The following FRMD3 variants were observed in gnomAD, a reference collection of about 807,000 sequenced individuals.
FRMD3 encodes the protein FERM domain-containing protein 3.
Under a neutral mutation model 70.2 loss-of-function variants are expected in FRMD3, and 33 were observed. The ratio of observed to expected loss-of-function variants is 0.47; its 90% confidence interval spans 0.36 to 0.63. FRMD3 has a LOEUF of 0.63. Ranked by LOEUF, FRMD3 falls within the 20% of genes least tolerant of loss-of-function variation. The probability of loss-of-function intolerance (pLI) is 0.00; values close to 1 mark genes in which losing one functional copy is unlikely to be tolerated. For missense variants in FRMD3, 632 were observed against 711.4 expected (o/e 0.89, Z 1.27); for synonymous variants, 279 against 255.9 (o/e 1.09, Z -0.86).
intron 1 of FRMD3, among the ~76,000 whole-genome samples, chr9:83,536,041 C>T (rs978781022): frequency 1.3e-5 from 2 of 152,092 alleles, no homozygotes; most frequent in Non-Finnish European, 2.9e-5. Context: ...AGTGTGAGGT[C>T]TAAAGTTATC....
intron 3 of FRMD3, among the ~76,000 whole-genome samples, chr9:83,366,167 A>C (rs563301721): frequency 1.3e-5 from 2 of 152,206 alleles, no homozygotes; most frequent in South Asian, 4.2e-4. Flanking sequence ...GAAAGGGAAA[A>C]GCTCTTCATA....
Position 83,446,780 on chromosome 9 carries a change from G to A in FRMD3, c.148-57072C>T, listed in dbSNP as rs550342289. On this transcript the variant is annotated intron_variant, in intron 1 of 13. Coordinates refer to ENST00000304195, the MANE Select transcript of FRMD3 (RefSeq NM_174938.6). Reference sequence around the variant, plus strand: ...CTTTTTCTTGTACTTTACACCAATTGTTCTTCCTTTACTCTGCATATATGA... The same window carrying A: ...CTTTTTCTTGTACTTTACACCAATTATTCTTCCTTTACTCTGCATATATGA... 9.8e-4 allele frequency among the ~76,000 whole-genome samples: 149 copies of A among 152,048 alleles called. 2 individuals are homozygous for A. Among genetic ancestry groups the A allele is most frequent in the African/African-American group, 3.4e-3 (142 of 41,466 alleles).
chr9:83,372,788 A>C (rs1825017926), intron 3 of FRMD3, 125 bp downstream of exon 3: 3 of 825,444 alleles, frequency 3.6e-6, no homozygotes, highest in Non-Finnish European at 6.2e-6. Context: ...GGGGAGAGAG[A>C]AGCCCCCACA....
rs1347109660 is a variant in FRMD3 at position 83,389,694 on chromosome 9, C to T, written c.162G>A (p.Gly54=). The part of the protein sequence containing the change: ...ISCHIQRETK[G]QFLIDHICNY... The stretch of plus-strand genomic sequence containing the variant: ...TGCAGATGTGGTCAATGAGAAACTG[C>T]CCTTTGGTTTCCCTCTGCAAAGGAA... The change falls in exon 2 of 14, where the codon GGG becomes GGA. Residue 54 remains glycine (G), a synonymous_variant. Transcript: ENST00000304195. 1.9e-6 allele frequency: 3 copies of T among 1,613,394 alleles called. No individual in the cohort carries two copies. The highest frequency in any genetic ancestry group is 2.2e-5 in the South Asian group (2 of 91,076).
chr9:83,267,325 G>A (rs1833315820), intron 13 of FRMD3: 3 of 1,417,998 alleles, frequency 2.1e-6, no homozygotes, highest in Non-Finnish European at 2.8e-6. Flanking sequence ...GGGAGGGGAC[G>A]CTATTTTTAA....
At chr9:83,370,070 G>C (rs1021231467) in intron 3 of FRMD3, among the ~76,000 whole-genome samples, 6 of 152,310 alleles carry the variant, frequency 3.9e-5, no homozygotes, top group Non-Finnish European at 7.3e-5. Flanking sequence ...AATAGGGTCA[G>C]AGAGAAGAAC....
upstream of FRMD3, chr9:83,538,658 G>C (rs1424882176): frequency 2.6e-5 from 4 of 155,240 alleles, no homozygotes; most frequent in African/African-American, 9.6e-5. The surrounding 1 kb of genome is among the most constrained non-coding windows in gnomAD (Gnocchi z 4.7). Flanking sequence ...CCGCCGCTGC[G>C]TCAAGCTGGG....
intron 13 of FRMD3, among the ~76,000 whole-genome samples, chr9:83,287,783 C>A (rs1005511561): frequency 4.6e-5 from 7 of 152,236 alleles, no homozygotes; most frequent in African/African-American, 1.7e-4. Context: ...GCACTGATAT[C>A]CAGTAGGGCA....
At chr9:83,434,721 G>A (rs1466357553) in intron 1 of FRMD3, among the ~76,000 whole-genome samples, 1 of 151,004 alleles carries the variant, frequency 6.6e-6, no homozygotes, top group African/African-American at 2.4e-5. Context: ...AAGAAGTGTT[G>A]TAACATGATC....
chr9:83,466,821 AC>A (rs553335065), intron 1 of FRMD3, among the ~76,000 whole-genome samples: 4 of 152,202 alleles, frequency 2.6e-5, no homozygotes, highest in Non-Finnish European at 5.9e-5. Context: ...TGGGAGGTTA[AC>A]TACAAAAGGT....
At chr9:83,492,049 A>T (rs12376872) in intron 1 of FRMD3, among the ~76,000 whole-genome samples, 21,929 of 152,200 alleles carry the variant, frequency 0.14, 1,781 homozygotes, top group East Asian at 0.33. Flanking sequence ...TTTTGAATGT[A>T]AAAATGTGTG....
At chr9:83,388,064 C>T (rs917239293) in intron 2 of FRMD3, among the ~76,000 whole-genome samples, 1 of 152,154 alleles carries the variant, frequency 6.6e-6, no homozygotes, top group East Asian at 1.9e-4. Flanking sequence ...ATGCCTGGAC[C>T]ATCCAAAGGT....
the FRMD3 span, among the ~76,000 whole-genome samples, chr9:83,579,712 C>G: frequency 6.6e-6 from 1 of 152,058 alleles, no homozygotes; most frequent in African/African-American, 2.4e-5. Flanking sequence ...ATCTCCACAA[C>G]ATTAGCCTGG....
intron 1 of FRMD3, among the ~76,000 whole-genome samples, chr9:83,464,054 C>G (rs1404569155): frequency 6.6e-6 from 1 of 152,178 alleles, no homozygotes; most frequent in African/African-American, 2.4e-5. Flanking sequence ...TCTAACTGTA[C>G]ACACCCCCTG....
chr9:83,486,445 C>T lies in FRMD3; in HGVS notation c.147+51640G>A, dbSNP rs1587460922. ...TTCAAATAGCCAAGCTCTTCCCCAG[C>T]CCATCACATCAGTTTATGTATTTAG... On this transcript the variant is annotated intron_variant, in intron 1 of 13. Transcript: ENST00000304195. Among the ~76,000 whole-genome samples, 2 of 152,150 alleles carry T rather than the reference C, an allele frequency of 1.3e-5. 1 individual carries two copies. The highest frequency in any genetic ancestry group is 2.9e-5 in the Non-Finnish European group (2 of 68,018).
intron 12 of FRMD3, among the ~76,000 whole-genome samples, chr9:83,298,269 G>A (rs1834758319): frequency 6.6e-6 from 1 of 152,196 alleles, no homozygotes; most frequent in Non-Finnish European, 1.5e-5. Context: ...ACTGCATATC[G>A]TCACCTTAAT....
chr9:83,469,990 T>C (rs1319184607), intron 1 of FRMD3, among the ~76,000 whole-genome samples: 2 of 152,240 alleles, frequency 1.3e-5, no homozygotes, highest in African/African-American at 4.8e-5. Flanking sequence ...CCCAGGCATT[T>C]GTACTTTTTA....
chr9:83,351,890 T>A (rs1489324758), intron 3 of FRMD3, among the ~76,000 whole-genome samples: 2 of 152,190 alleles, frequency 1.3e-5, no homozygotes, highest in African/African-American at 4.8e-5. Context: ...CACACAAATA[T>A]ATGCCAACAT....
chr9:83,420,937 C>CCT (rs1375328307), intron 1 of FRMD3, among the ~76,000 whole-genome samples: 1 of 107,718 alleles, frequency 9.3e-6, no homozygotes, highest in East Asian at 2.7e-4. Flanking sequence ...TTTCTTTCTT[C>CCT]TTTTTTTTTT....
Sources: allele counts gnomAD v4.1 joint callset (sites outside exome capture counted in the v4.1 genomes callset), GRCh38; gene constraint gnomAD v4.1.1; non-coding constraint Gnocchi (gnomAD v3.1); transcripts MANE v1.5; gene names NCBI Gene and HGNC (gene_info 2026-07-23, HGNC 2026-07-21).